The following POLR2F variants were observed in gnomAD, a reference collection of about 807,000 sequenced individuals.
The protein encoded by POLR2F is RNA polymerase II, I and III subunit F.
Under a neutral mutation model 22.7 loss-of-function variants are expected in POLR2F, and 12 were observed. That is an observed-to-expected ratio of 0.53 (90% CI 0.34 to 0.86). The LOEUF (loss-of-function observed/expected upper bound fraction) is 0.86. Ranked by LOEUF, POLR2F falls within the 40% of genes least tolerant of loss-of-function variation. The pLI is 0.02. For missense variants in POLR2F, 126 were observed against 171.5 expected, an observed-to-expected ratio of 0.73 and a Z score of 1.48; for synonymous variants, 57 against 66.0, an observed-to-expected ratio of 0.86 and a Z score of 0.66.
chr22:37,968,529 T>C lies in POLR2F; in HGVS notation c.*814T>C. The C allele has an allele frequency of 1.0e-6, 1 of 985,738 alleles. No individual in the cohort carries two copies. Among genetic ancestry groups the C allele is most frequent in the Non-Finnish European group, 1.2e-6 (1 of 830,148 alleles). The allele number at this position is 985,738 out of a possible 1,614,324, so 61.1% of individuals were successfully genotyped here. A position where few individuals can be genotyped will look rare whatever the true frequency, so the allele number is the denominator to read the frequency against. ...TGCTCCTGGGTTCCAGGTGTTACATTAAGTCAGAGCTGGAGTTCCCCCTTC... is the reference window on the plus strand; with the variant it reads ...TGCTCCTGGGTTCCAGGTGTTACATCAAGTCAGAGCTGGAGTTCCCCCTTC... On this transcript the variant is annotated 3_prime_UTR_variant, in exon 5 of 5. Coordinates refer to ENST00000442738, the MANE Select transcript of POLR2F (RefSeq NM_021974.5).
chr22:38,021,725 G>A (rs989427731), intron 1 of POLR2F, among the ~76,000 whole-genome samples: 1 of 151,862 alleles, frequency 6.6e-6, no homozygotes, highest in Admixed American at 6.6e-5. Flanking sequence ...CCAAAGTACC[G>A]GGATTACAGG....
At chr22:38,026,036 A>G (rs771156252) in exon 2 of POLR2F, 2 of 542,150 alleles carry the variant, frequency 3.7e-6, no homozygotes, top group East Asian at 5.3e-5. Context: ...AGTTTGCTGA[A>G]TAAGACGGAC....
chr22:38,033,641 C>T (rs956117821), intron 5 of POLR2F, among the ~76,000 whole-genome samples: 1 of 152,226 alleles, frequency 6.6e-6, no homozygotes, highest in African/African-American at 2.4e-5. Context: ...GATCTGGCCC[C>T]GGCGGAGCGG....
At chr22:37,965,522 A>G in intron 3 of POLR2F, among the ~76,000 whole-genome samples, 1 of 152,234 alleles carries the variant, frequency 6.6e-6, no homozygotes, top group East Asian at 1.9e-4. Context: ...AATGCCCTTG[A>G]ATTATTTATA....
At chr22:37,965,076 G>A (rs568061685) in intron 3 of POLR2F, among the ~76,000 whole-genome samples, 10 of 152,244 alleles carry the variant, frequency 6.6e-5, no homozygotes, top group African/African-American at 2.2e-4. Context: ...GTGCCATCTC[G>A]GCTCACTGCA....
At position 37,953,780 on chromosome 22, in the gene POLR2F, A is replaced by C; in HGVS notation, c.-8A>C. 2 of 1,609,118 alleles carry C rather than the reference A, an allele frequency of 1.2e-6. No homozygotes were observed. The highest frequency in any genetic ancestry group is 1.7e-6 in the Non-Finnish European group (2 of 1,178,810). On this transcript the variant is annotated 5_prime_UTR_variant, in exon 1 of 5. Transcript: ENST00000442738. ...GGGGCGCAGCGGGGTCGCTGAGGCG[A>C]GGGTGTCATGTCAGACAACGAGGAC...
At chr22:37,989,038 T>A (rs1932665749) in intron 1 of POLR2F, among the ~76,000 whole-genome samples, 1 of 152,112 alleles carries the variant, frequency 6.6e-6, no homozygotes, top group Non-Finnish European at 1.5e-5. Flanking sequence ...GGGGTGGCTG[T>A]GGGAGCTCCC....
At chr22:38,034,508 G>A (rs895779410) in intron 5 of POLR2F, among the ~76,000 whole-genome samples, 4 of 152,192 alleles carry the variant, frequency 2.6e-5, no homozygotes, top group African/African-American at 9.7e-5. Context: ...TAAGGAGACC[G>A]AAGTGCCCAG....
intron 1 of POLR2F, among the ~76,000 whole-genome samples, chr22:38,019,993 A>G (rs1460507506): frequency 6.6e-6 from 1 of 152,084 alleles, no homozygotes; most frequent in African/African-American, 2.4e-5. Flanking sequence ...CAGCCTGGGC[A>G]ACAAGAGCAA....
intron 1 of POLR2F, among the ~76,000 whole-genome samples, chr22:38,018,235 C>T (rs1029180634): frequency 6.6e-6 from 1 of 152,194 alleles, no homozygotes; most frequent in African/African-American, 2.4e-5. Flanking sequence ...AGGGCTTAGG[C>T]TTGAGCCAGG....
At chr22:38,003,312 C>T (rs1462385116) in intron 1 of POLR2F, among the ~76,000 whole-genome samples, 6 of 151,638 alleles carry the variant, frequency 4.0e-5, no homozygotes, top group Admixed American at 1.3e-4. Context: ...CCACAACCTC[C>T]GCCTCCCGGG....
At chr22:37,964,113 A>ATT (rs1931759495) in intron 3 of POLR2F, among the ~76,000 whole-genome samples, 6 of 151,138 alleles carry the variant, frequency 4.0e-5, no homozygotes, top group African/African-American at 1.5e-4. Context: ...AAATAATTAA[A>ATT]AAAAAAAAAA....
intron 1 of POLR2F, chr22:37,987,314 G>T (rs1234921457): frequency 4.4e-6 from 2 of 456,452 alleles, no homozygotes; most frequent in African/African-American, 4.0e-5. Flanking sequence ...TCAGAAGATG[G>T]GCCCCAGAGA....
At chr22:37,991,272 C>T (rs1410263933) in intron 1 of POLR2F, among the ~76,000 whole-genome samples, 2 of 152,132 alleles carry the variant, frequency 1.3e-5, no homozygotes, top group African/African-American at 2.4e-5. Context: ...CGCATGCCAC[C>T]ATGCCCGGCT....
intron 5 of POLR2F, among the ~76,000 whole-genome samples, chr22:38,034,686 T>G (rs571262636): frequency 6.6e-6 from 1 of 152,252 alleles, no homozygotes; most frequent in South Asian, 2.1e-4. Context: ...TGGGACAGAA[T>G]GAACTAATCC....
chr22:37,977,899 G>C (rs751692784), intron 4 of POLR2F: 1 of 1,612,640 alleles, frequency 6.2e-7, no homozygotes, highest in Non-Finnish European at 8.5e-7. Context: ...ATCTGACATG[G>C]GGGAGCCCTC....
At position 37,968,006 on chromosome 22, in the gene POLR2F, C is replaced by G; in HGVS notation, c.*291C>G. 1 of 1,062,396 alleles carries G rather than the reference C, an allele frequency of 9.4e-7. No homozygotes were observed. The highest frequency in any genetic ancestry group is 1.7e-5 in the African/African-American group (1 of 59,500). 65.8% of individuals were successfully genotyped at this position (1,062,396 alleles called of 1,614,324 possible). A position where few individuals can be genotyped will look rare whatever the true frequency, so the allele number is the denominator to read the frequency against. ...AGCAAAGGCTGCTGCAGGGGAGACA[C>G]CTCAGCTGCCTTCCAAGCAGACAGA... On this transcript the variant is annotated 3_prime_UTR_variant, in exon 5 of 5. Transcript: ENST00000442738.
Position 37,959,468 on chromosome 22 carries a change from C to T in POLR2F, c.213C>T (p.Leu71=), listed in dbSNP as rs756013540. 3 of 1,613,778 alleles carry T rather than the reference C, an allele frequency of 1.9e-6. No homozygotes were observed. The Admixed American group carries it at 5.0e-5, about 27-fold the overall frequency. ...ERARVLGTRA[L]QIAMCAPVMV... ...CCCGCGTGCTGGGCACCCGAGCGCT[C>T]CAGATTGCGTGAGTGATTGCCCCTT... Residue 71 remains leucine (L), a synonymous_variant, in exon 3 of 5, where the codon CTC becomes CTT. Coordinates refer to ENST00000442738, the MANE Select transcript of POLR2F (RefSeq NM_021974.5).
chr22:38,003,118 G>T (rs1336170809), intron 1 of POLR2F, among the ~76,000 whole-genome samples: 2 of 152,134 alleles, frequency 1.3e-5, no homozygotes, highest in Admixed American at 6.6e-5. Context: ...GAGATACTTG[G>T]CATGCAAGAT....
Sources: gnomAD v4.1 joint callset for allele counts (sites outside exome capture counted in the v4.1 genomes callset) on GRCh38, gnomAD v4.1.1 for gene constraint, MANE v1.5 for transcripts, NCBI Gene and HGNC (gene_info 2026-07-23, HGNC 2026-07-21) for gene names.